The following PDGFD variants were observed in gnomAD, a reference collection of about 807,000 sequenced individuals.
The protein encoded by PDGFD is platelet-derived growth factor D.
Under a neutral mutation model 44.7 loss-of-function variants are expected in PDGFD, and 30 were observed. The observed-to-expected ratio is 0.67, with a 90% CI of 0.50 to 0.91. The LOEUF (loss-of-function observed/expected upper bound fraction) is 0.91. Among genes scored for constraint, PDGFD ranks in the 40% least tolerant of loss-of-function variants. The probability of loss-of-function intolerance (pLI) is 0.00; values close to 1 mark genes in which losing one functional copy is unlikely to be tolerated. For missense variants in PDGFD, 445 were observed against 457.8 expected, an observed-to-expected ratio of 0.97 and a Z score of 0.25; for synonymous variants, 173 against 168.4, an observed-to-expected ratio of 1.03 and a Z score of -0.21.
At position 104,110,172 on chromosome 11, in the gene PDGFD, A is replaced by T. The variant is rs570415593; in HGVS notation, c.124+53632T>A. Among the ~76,000 whole-genome samples the T allele has an allele frequency of 9.2e-5, 14 of 152,330 alleles. 1 individual carries two copies. The South Asian group carries it at 2.9e-3, about 32-fold the overall frequency. Reference sequence around the variant, plus strand: ...AGATTTTCCTAAACTGAGATTTGGTAACCTCTGAGCAAGAAAGTAGGATTA... The same window carrying T: ...AGATTTTCCTAAACTGAGATTTGGTTACCTCTGAGCAAGAAAGTAGGATTA... On this transcript the variant is annotated intron_variant, in intron 1 of 6. Coordinates refer to ENST00000393158, the MANE Select transcript of PDGFD (RefSeq NM_025208.5).
chr11:104,045,326 A>G (rs1381513741), intron 1 of PDGFD, among the ~76,000 whole-genome samples: 2 of 152,186 alleles, frequency 1.3e-5, no homozygotes, highest in South Asian at 2.1e-4. Context: ...AAAGTTAAGT[A>G]TCTTAAAAAT....
At chr11:103,992,784 C>T (rs1218122379) in intron 3 of PDGFD, among the ~76,000 whole-genome samples, 2 of 152,186 alleles carry the variant, frequency 1.3e-5, no homozygotes, top group Non-Finnish European at 2.9e-5. Flanking sequence ...TAAAAATGTA[C>T]ATTGCACTTT....
chr11:103,921,582 C>A (rs1263862399), intron 6 of PDGFD, among the ~76,000 whole-genome samples: 2 of 150,612 alleles, frequency 1.3e-5, no homozygotes, highest in Non-Finnish European at 2.9e-5. Context: ...CATTAATACC[C>A]CCCCATAAAC....
Position 104,119,083 on chromosome 11 carries a change from A to ATATCG in PDGFD, c.124+44720_124+44721insCGATA, listed in dbSNP as rs1230907004. ...AATATAATATATTGGTATAATATAT[A>ATATCG]ATATATTGATATAATATATAATATA... On this transcript the variant is annotated intron_variant, in intron 1 of 6. Coordinates refer to ENST00000393158, the MANE Select transcript of PDGFD (RefSeq NM_025208.5). 3.0e-4 allele frequency among the ~76,000 whole-genome samples: 18 copies of ATATCG among 59,650 alleles called. 3 individuals carry two copies. Among genetic ancestry groups the ATATCG allele is most frequent in the East Asian group, 9.8e-4 (2 of 2,040 alleles). 39.1% of individuals were successfully genotyped at this position (59,650 alleles called of 152,430 possible).
rs186090318 is a variant in PDGFD at position 103,981,243 on chromosome 11, C to T, written c.510+14822G>A. 7.3e-4 allele frequency among the ~76,000 whole-genome samples: 111 copies of T among 151,796 alleles called. 1 individual carries two copies. The highest frequency in any genetic ancestry group is 1.3e-3 in the Non-Finnish European group (87 of 67,992). ...TTGCAAACTCCCTTACCGTGTAATG[C>T]TCTATGCCATCTTGGGACTCTGCAG... On this transcript the variant is annotated intron_variant, in intron 3 of 6. Transcript: ENST00000393158.
chr11:103,923,376 A>G lies in PDGFD; in HGVS notation c.987+3536T>C, dbSNP rs540324239. Among the ~76,000 whole-genome samples, 9 of 152,326 alleles carry G rather than the reference A, an allele frequency of 5.9e-5. No individual in the cohort carries two copies. The South Asian group carries it at 1.7e-3, about 28-fold the overall frequency. ...ACTAATATGACCTGTGAAAAAAGCAATATTAGCTTCGTTAGAAGCTTTCCA... is the reference window on the plus strand; with the variant it reads ...ACTAATATGACCTGTGAAAAAAGCAGTATTAGCTTCGTTAGAAGCTTTCCA... On this transcript the variant is annotated intron_variant, in intron 6 of 6. Transcript: ENST00000393158.
At chr11:104,102,919 G>T (rs1193708532) in intron 1 of PDGFD, among the ~76,000 whole-genome samples, 1 of 151,968 alleles carries the variant, frequency 6.6e-6, no homozygotes, top group Non-Finnish European at 1.5e-5. Flanking sequence ...CACACACTAG[G>T]GCCTGTTGTG....
In PDGFD at chr11:104,154,197, A is replaced by T. The variant is rs568751768; in HGVS notation, c.124+9607T>A. ...TCTTTTCCTATTAACACCATCCCCC[A>T]TTACATTCTAAAATTTTTCCTTCTT... On this transcript the variant is annotated intron_variant, in intron 1 of 6. Transcript: ENST00000393158. 1.4e-4 allele frequency among the ~76,000 whole-genome samples: 21 copies of T among 152,252 alleles called. 1 individual carries two copies. In the South Asian group the frequency reaches 4.3e-3, roughly 32 times the overall value.
chr11:103,946,919 A>G (rs1371822325), intron 4 of PDGFD, among the ~76,000 whole-genome samples: 2 of 152,282 alleles, frequency 1.3e-5, no homozygotes, highest in East Asian at 1.9e-4. Context: ...AGGAAAAAAA[A>G]CAACAACTCT....
intron 1 of PDGFD, among the ~76,000 whole-genome samples, chr11:104,008,569 T>C (rs1859737529): frequency 6.6e-6 from 1 of 152,160 alleles, no homozygotes; most frequent in African/African-American, 2.4e-5. Flanking sequence ...GGAATTAAAA[T>C]AAATGTTTTA....
chr11:104,019,512 T>G (rs1246323047), intron 1 of PDGFD, among the ~76,000 whole-genome samples: 1 of 152,208 alleles, frequency 6.6e-6, no homozygotes, highest in Non-Finnish European at 1.5e-5. Context: ...TTATTTAGCA[T>G]GTATTATTTT....
At chr11:104,081,016 T>G (rs1445997814) in intron 1 of PDGFD, among the ~76,000 whole-genome samples, 5 of 152,220 alleles carry the variant, frequency 3.3e-5, no homozygotes, top group Non-Finnish European at 7.3e-5. Context: ...CTAGCTGACA[T>G]CTTAACTGCT....
chr11:104,016,697 T>C (rs1859863194), intron 1 of PDGFD, among the ~76,000 whole-genome samples: 1 of 152,226 alleles, frequency 6.6e-6, no homozygotes, highest in South Asian at 2.1e-4. Flanking sequence ...CAACCGATAT[T>C]TCCTGAGTGT....
chr11:104,141,727 G>A (rs1208830617), intron 1 of PDGFD, among the ~76,000 whole-genome samples: 4 of 152,130 alleles, frequency 2.6e-5, no homozygotes, highest in African/African-American at 9.7e-5. Context: ...ACACAAAAGA[G>A]GAGAAGGCAA....
At chr11:103,941,521 C>T (rs571116139) in intron 5 of PDGFD, among the ~76,000 whole-genome samples, 13 of 152,128 alleles carry the variant, frequency 8.5e-5, no homozygotes, top group Admixed American at 5.9e-4. Flanking sequence ...TTTTTGAACA[C>T]GTATCAAGTG....
intron 3 of PDGFD, among the ~76,000 whole-genome samples, chr11:103,995,582 G>A (rs1283913059): frequency 5.9e-5 from 9 of 152,130 alleles, no homozygotes; most frequent in Non-Finnish European, 1.5e-5. Context: ...GAGCCCTGAG[G>A]CTCTATGATT....
At chr11:103,992,934 T>C (rs1859480466) in intron 3 of PDGFD, among the ~76,000 whole-genome samples, 1 of 152,074 alleles carries the variant, frequency 6.6e-6, no homozygotes, top group South Asian at 2.1e-4. Context: ...AGAGCAGAGA[T>C]GTTCCATGGG....
At chr11:103,991,181 C>T (rs1230581521) in intron 3 of PDGFD, among the ~76,000 whole-genome samples, 1 of 151,896 alleles carries the variant, frequency 6.6e-6, no homozygotes, top group African/African-American at 2.4e-5. Context: ...GGATGATGCT[C>T]ACCTTTATTT....
At chr11:104,105,080 T>C (rs1316101910) in intron 1 of PDGFD, among the ~76,000 whole-genome samples, 16 of 152,166 alleles carry the variant, frequency 1.1e-4, no homozygotes, top group Non-Finnish European at 2.1e-4. Flanking sequence ...ACATTACTCA[T>C]ATAAGTAACC....
Sources: gnomAD v4.1 joint callset for allele counts (sites outside exome capture counted in the v4.1 genomes callset) on GRCh38, gnomAD v4.1.1 for gene constraint, MANE v1.5 for transcripts, NCBI Gene and HGNC (gene_info 2026-07-23, HGNC 2026-07-21) for gene names.